BRINP3: variants seen among roughly 807,000 people sequenced by gnomAD.
BRINP3 encodes the protein BMP/retinoic acid-inducible neural-specific protein 3.
Under a neutral mutation model 71.0 loss-of-function variants are expected in BRINP3, and 19 were observed. The observed-to-expected ratio is 0.27, with a 90% CI of 0.19 to 0.39. BRINP3 has a LOEUF of 0.39. Among genes scored for constraint, BRINP3 ranks in the 10% least tolerant of loss-of-function variants. The pLI, the probability that BRINP3 is intolerant of heterozygous loss-of-function variation, is 1.00. For missense variants in BRINP3, 959 were observed against 940.8 expected (o/e 1.02, Z -0.25); for synonymous variants, 380 against 337.7 (o/e 1.13, Z -1.37).
intron 2 of BRINP3, among the ~76,000 whole-genome samples, chr1:190,334,747 G>T (rs996384448): frequency 1.3e-5 from 2 of 151,742 alleles, no homozygotes; most frequent in Non-Finnish European, 2.9e-5. Flanking sequence ...ATAAAATAAA[G>T]TTCTATAGAT....
chr1:190,361,682 G>A (rs575405397), intron 2 of BRINP3, among the ~76,000 whole-genome samples: 35 of 152,188 alleles, frequency 2.3e-4, no homozygotes, highest in South Asian at 1.0e-3. Context: ...AATTACAGGC[G>A]TGAGCCACCA....
chr1:190,202,978 T>A (rs964749108), intron 6 of BRINP3, among the ~76,000 whole-genome samples: 5 of 152,098 alleles, frequency 3.3e-5, no homozygotes, highest in African/African-American at 9.7e-5. Flanking sequence ...AGATCCCCTA[T>A]ACTTGAGCTC....
chr1:190,190,950 T>G (rs1247147169), intron 6 of BRINP3, among the ~76,000 whole-genome samples: 2 of 152,068 alleles, frequency 1.3e-5, no homozygotes, highest in Non-Finnish European at 2.9e-5. Flanking sequence ...TAAATGCAAA[T>G]AGCAGATATT....
chr1:190,232,512 T>C (rs1331673788), intron 5 of BRINP3, among the ~76,000 whole-genome samples: 1 of 152,014 alleles, frequency 6.6e-6, no homozygotes, highest in East Asian at 1.9e-4. Context: ...GATAGGTGTA[T>C]AAATAAAGTT....
chr1:190,310,288 C>G (rs184738440), intron 2 of BRINP3, among the ~76,000 whole-genome samples: 30 of 151,680 alleles, frequency 2.0e-4, no homozygotes, highest in Admixed American at 2.0e-3. Flanking sequence ...CCGAGAAAAG[C>G]TTTTAACAGC....
chr1:190,304,347 CCTT>C (rs968604240), intron 2 of BRINP3, among the ~76,000 whole-genome samples: 517 of 151,762 alleles, frequency 3.4e-3, no homozygotes, highest in African/African-American at 0.012. Context: ...TAAAAATTAT[CCTT>C]CACAAATCAT....
intron 2 of BRINP3, among the ~76,000 whole-genome samples, chr1:190,418,393 A>G (rs895152569): frequency 7.9e-5 from 12 of 152,120 alleles, no homozygotes; most frequent in African/African-American, 2.9e-4. Context: ...ATGTCACATT[A>G]CGTTTGTGAC....
chr1:190,165,134 G>T (rs935388900), intron 6 of BRINP3, among the ~76,000 whole-genome samples: 2 of 151,536 alleles, frequency 1.3e-5, no homozygotes, highest in East Asian at 1.9e-4. Context: ...AATAAAAAGA[G>T]AAATAGAAAA....
intron 2 of BRINP3, among the ~76,000 whole-genome samples, chr1:190,420,936 G>A (rs1157187): frequency 6.6e-6 from 1 of 151,834 alleles, no homozygotes; most frequent in African/African-American, 2.4e-5. Flanking sequence ...GAACAAGCTT[G>A]TTGGGTGAAA....
chr1:190,313,880 T>C (rs1665708060), intron 2 of BRINP3, among the ~76,000 whole-genome samples: 1 of 152,042 alleles, frequency 6.6e-6, no homozygotes, highest in Admixed American at 6.6e-5. Context: ...GTGAACTAAG[T>C]AGGTAAAATA....
chr1:190,435,042 G>A (rs1674367718), intron 2 of BRINP3, among the ~76,000 whole-genome samples: 1 of 152,078 alleles, frequency 6.6e-6, no homozygotes, highest in African/African-American at 2.4e-5. Flanking sequence ...TAGAAAAAAA[G>A]TATAGTTTGT....
intron 4 of BRINP3, among the ~76,000 whole-genome samples, chr1:190,246,096 T>TATA (rs3076686): frequency 0.59 from 88,683 of 151,442 alleles, 26,166 homozygotes; most frequent in Admixed American, 0.69. Flanking sequence ...CAGCATGTTT[T>TATA]ATCCTTGGGT....
intron 6 of BRINP3, chr1:190,216,961 A>G (rs1656470873): frequency 6.6e-6 from 1 of 151,930 alleles, no homozygotes. Flanking sequence ...TAAGTTATTT[A>G]CTTGCATTTG....
intron 2 of BRINP3, among the ~76,000 whole-genome samples, chr1:190,432,926 T>C (rs1278658567): frequency 6.6e-6 from 1 of 152,188 alleles, no homozygotes; most frequent in African/African-American, 2.4e-5. Context: ...TGTTTGCTTT[T>C]AATTTTTATG....
chr1:190,231,025 C>T (rs909763192), intron 5 of BRINP3, among the ~76,000 whole-genome samples: 2 of 151,122 alleles, frequency 1.3e-5, no homozygotes, highest in African/African-American at 2.4e-5. Flanking sequence ...TTTCTTGATA[C>T]TAAAAATTTT....
intron 7 of BRINP3, among the ~76,000 whole-genome samples, chr1:190,133,523 T>C (rs1654715571): frequency 1.3e-5 from 2 of 151,920 alleles, no homozygotes; most frequent in Admixed American, 6.6e-5. Flanking sequence ...AGGGAATGGA[T>C]TAAAAAAAGT....
At chr1:190,311,824 A>G (rs1665541341) in intron 2 of BRINP3, among the ~76,000 whole-genome samples, 1 of 150,776 alleles carries the variant, frequency 6.6e-6, no homozygotes. Flanking sequence ...AAACAATCGT[A>G]AAGTCTATTT....
intron 7 of BRINP3, among the ~76,000 whole-genome samples, chr1:190,133,246 C>A (rs1654690925): frequency 1.3e-5 from 2 of 152,066 alleles, no homozygotes; most frequent in African/African-American, 2.4e-5. Context: ...AACACTGCAT[C>A]TATGGGAAAT....
At chr1:190,351,977 T>G (rs1668416272) in intron 2 of BRINP3, among the ~76,000 whole-genome samples, 1 of 152,058 alleles carries the variant, frequency 6.6e-6, no homozygotes, top group Non-Finnish European at 1.5e-5. Context: ...CATTTTAAAT[T>G]TTATACAGAA....
Sources: allele counts gnomAD v4.1 joint callset (sites outside exome capture counted in the v4.1 genomes callset), GRCh38; gene constraint gnomAD v4.1.1; transcripts MANE v1.5; gene names NCBI Gene and HGNC (gene_info 2026-07-23, HGNC 2026-07-21).